Variants in PDSS2 observed in about 807,000 individuals in gnomAD.
The protein encoded by PDSS2 is all trans-polyprenyl-diphosphate synthase PDSS2.
Under a neutral mutation model 44.5 loss-of-function variants are expected in PDSS2, and 31 were observed. The observed-to-expected ratio is 0.70, with a 90% CI of 0.52 to 0.94. The LOEUF (loss-of-function observed/expected upper bound fraction) is 0.94. PDSS2 is among the 40% of genes least tolerant of loss of function. The pLI is 0.00. For synonymous variants in PDSS2, 157 were observed against 180.3 expected, an observed-to-expected ratio of 0.87 and a Z score of 1.03; for missense variants, 452 against 482.2, an observed-to-expected ratio of 0.94 and a Z score of 0.59.
intron 1 of PDSS2, among the ~76,000 whole-genome samples, chr6:107,454,207 C>T (rs778996572): frequency 5.3e-5 from 8 of 150,826 alleles, no homozygotes; most frequent in Non-Finnish European, 1.0e-4. Flanking sequence ...ACCAGCAACC[C>T]GGATAATTTT....
At chr6:107,365,256 CAA>C (rs963221241) in intron 1 of PDSS2, among the ~76,000 whole-genome samples, 2 of 151,766 alleles carry the variant, frequency 1.3e-5, no homozygotes, top group Admixed American at 6.6e-5. Context: ...TATATTGGAG[CAA>C]AGTTTCTGTA....
chr6:107,381,308 GT>G (rs1450924420), intron 1 of PDSS2, among the ~76,000 whole-genome samples: 20 of 152,144 alleles, frequency 1.3e-4, no homozygotes, highest in Admixed American at 6.6e-5. Flanking sequence ...ACAGAAAATA[GT>G]TTTAAATCAA....
chr6:107,345,301 T>C (rs1157424081), intron 1 of PDSS2, among the ~76,000 whole-genome samples: 1 of 149,892 alleles, frequency 6.7e-6, no homozygotes, highest in African/African-American at 2.5e-5. Context: ...CTCACTTTAA[T>C]AGTCTATAAT....
chr6:107,175,992 C>A (rs1171605863), intron 7 of PDSS2, among the ~76,000 whole-genome samples: 1 of 152,110 alleles, frequency 6.6e-6, no homozygotes, highest in Admixed American at 6.6e-5. Context: ...TGGTTTCATG[C>A]AGTGACAATA....
intron 1 of PDSS2, among the ~76,000 whole-genome samples, chr6:107,444,087 G>A (rs975315209): frequency 2.6e-5 from 4 of 152,138 alleles, no homozygotes; most frequent in African/African-American, 9.7e-5. Context: ...GGAGTGCAGT[G>A]GAACAATCAC....
chr6:107,281,382 T>C (rs938063300), intron 2 of PDSS2, among the ~76,000 whole-genome samples: 2 of 152,194 alleles, frequency 1.3e-5, no homozygotes, highest in African/African-American at 4.8e-5. Flanking sequence ...TAGAGTCTTG[T>C]TGTAAGTCTT....
Position 107,452,407 on chromosome 6 carries a change from T to C in PDSS2, c.296+6583A>G, listed in dbSNP as rs1002269399. On this transcript the variant is annotated intron_variant, in intron 1 of 7. Coordinates refer to ENST00000369037, the MANE Select transcript of PDSS2 (RefSeq NM_020381.4). ...ACCACCACACCGGCTAATTTTTGTA[T>C]TTTTAGTAGAGACAGGGTTTCACCA... 2.0e-5 allele frequency among the ~76,000 whole-genome samples: 3 copies of C among 151,888 alleles called. No individual in the cohort carries two copies. In the East Asian group the frequency reaches 5.8e-4, roughly 29 times the overall value.
At chr6:107,183,543 TA>T (rs1772059094) in intron 7 of PDSS2, among the ~76,000 whole-genome samples, 1 of 151,202 alleles carries the variant, frequency 6.6e-6, no homozygotes, top group Non-Finnish European at 1.5e-5. Flanking sequence ...ACTAAAAATA[TA>T]AAAAATAGCC....
At position 107,399,801 on chromosome 6, in the gene PDSS2, T is replaced by C. The variant is rs182316399; in HGVS notation, c.296+59189A>G. The stretch of plus-strand genomic sequence containing the variant: ...TCCCAAAGTTAGCTGCTCTGAAAAT[T>C]TACTAACCTAGGAAATTTTTATATC... On this transcript the variant is annotated intron_variant, in intron 1 of 7. Coordinates refer to ENST00000369037, the MANE Select transcript of PDSS2 (RefSeq NM_020381.4). 4.3e-4 allele frequency among the ~76,000 whole-genome samples: 65 copies of C among 152,256 alleles called. No individual in the cohort carries two copies. The East Asian group carries it at 0.01, about 24-fold the overall frequency.
chr6:107,389,416 A>G (rs543064803), intron 1 of PDSS2, among the ~76,000 whole-genome samples: 2 of 152,344 alleles, frequency 1.3e-5, no homozygotes, highest in East Asian at 3.9e-4. Flanking sequence ...AAGAACTTGT[A>G]CATGAATACT....
chr6:107,171,620 C>T (rs1348759353), intron 7 of PDSS2, among the ~76,000 whole-genome samples: 2 of 152,136 alleles, frequency 1.3e-5, no homozygotes, highest in Non-Finnish European at 2.9e-5. Flanking sequence ...AAGCAATCTT[C>T]CCACCTTAGC....
intron 3 of PDSS2, among the ~76,000 whole-genome samples, chr6:107,256,613 C>G (rs570614525): frequency 3.9e-5 from 6 of 152,244 alleles, no homozygotes; most frequent in African/African-American, 1.2e-4. Context: ...GTATTTCTTC[C>G]AAATAACTCT....
intron 1 of PDSS2, among the ~76,000 whole-genome samples, chr6:107,432,934 C>T (rs930305889): frequency 2.0e-5 from 3 of 152,142 alleles, no homozygotes; most frequent in African/African-American, 7.2e-5. Flanking sequence ...TCCCTCCCCT[C>T]TACCTTTCCC....
At chr6:107,200,278 T>C (rs1200272520) in intron 6 of PDSS2, among the ~76,000 whole-genome samples, 1 of 152,336 alleles carries the variant, frequency 6.6e-6, no homozygotes, top group East Asian at 1.9e-4. Flanking sequence ...TTTCTAGTCC[T>C]TCATTGGTTA....
chr6:107,351,728 AATT>A (rs2115336879), intron 1 of PDSS2, among the ~76,000 whole-genome samples: 1 of 152,318 alleles, frequency 6.6e-6, no homozygotes, highest in South Asian at 2.1e-4. Context: ...TATTTTACAC[AATT>A]ATTTAAGTAG....
chr6:107,187,563 G>T (rs924035118), intron 7 of PDSS2, among the ~76,000 whole-genome samples: 1 of 152,022 alleles, frequency 6.6e-6, no homozygotes, highest in Non-Finnish European at 1.5e-5. Context: ...TACTCAGGAG[G>T]CTGAGGTAGG....
chr6:107,156,311 C>T (rs1345948048), intron 7 of PDSS2, among the ~76,000 whole-genome samples: 1 of 151,710 alleles, frequency 6.6e-6, no homozygotes, highest in Non-Finnish European at 1.5e-5. Context: ...TCTCCTGCCT[C>T]AGCCTCCCGA....
intron 1 of PDSS2, among the ~76,000 whole-genome samples, chr6:107,406,894 T>C (rs1770943583): frequency 1.3e-5 from 2 of 152,172 alleles, no homozygotes; most frequent in South Asian, 2.1e-4. Context: ...TTCACAGATA[T>C]CAAAAGTCAT....
intron 1 of PDSS2, among the ~76,000 whole-genome samples, chr6:107,422,184 A>G (rs900146979): frequency 9.2e-5 from 14 of 152,100 alleles, no homozygotes; most frequent in Admixed American, 7.9e-4. Context: ...AAAAATAAGG[A>G]AAGAATATAA....
Sources: gnomAD v4.1 joint callset for allele counts (sites outside exome capture counted in the v4.1 genomes callset) on GRCh38, gnomAD v4.1.1 for gene constraint, MANE v1.5 for transcripts, NCBI Gene and HGNC (gene_info 2026-07-23, HGNC 2026-07-21) for gene names.